Variants in KCNMA1 observed in about 807,000 individuals in gnomAD.
KCNMA1 encodes potassium calcium-activated channel subfamily M alpha 1.
A neutral mutation model predicts 140.0 loss-of-function variants in KCNMA1; 29 were observed. The ratio of observed to expected loss-of-function variants is 0.21; its 90% CI spans 0.15 to 0.28. KCNMA1 has a LOEUF of 0.28. Among genes scored for constraint, KCNMA1 ranks in the 10% least tolerant of loss-of-function variants. The pLI, the probability that KCNMA1 is intolerant of heterozygous loss-of-function variation, is 1.00. For synonymous variants in KCNMA1, 612 were observed against 611.9 expected, an observed-to-expected ratio of 1.00 and a Z score of 0.00; for missense variants, 880 against 1,602.2, an observed-to-expected ratio of 0.55 and a Z score of 7.70.
chr10:77,324,963 C>CTG (rs1169574914), intron 2 of KCNMA1, among the ~76,000 whole-genome samples: 6 of 104,512 alleles, frequency 5.7e-5, no homozygotes, highest in South Asian at 3.7e-4. Flanking sequence ...CTCTCTCTCT[C>CTG]TCTCTCTCTG....
At chr10:77,496,251 G>T (rs1160787021) in intron 1 of KCNMA1, among the ~76,000 whole-genome samples, 3 of 152,172 alleles carry the variant, frequency 2.0e-5, no homozygotes, top group African/African-American at 7.2e-5. Flanking sequence ...CAAGATAAGA[G>T]ACCACCTCAT....
intron 3 of KCNMA1, among the ~76,000 whole-genome samples, chr10:77,188,509 C>T (rs2154134040): frequency 6.6e-6 from 1 of 152,192 alleles, no homozygotes; most frequent in South Asian, 2.1e-4. Context: ...AGCATGTTGA[C>T]CAGGACTCCA....
chr10:76,943,344 G>A, intron 23 of KCNMA1, among the ~76,000 whole-genome samples: 1 of 152,190 alleles, frequency 6.6e-6, no homozygotes, highest in East Asian at 1.9e-4. Context: ...ACGGTGGCAT[G>A]GAGAGGTCAA....
chr10:77,112,558 A>G (rs2097350603), intron 6 of KCNMA1, 116 bp from the exon 7 acceptor site: 1 of 733,342 alleles, frequency 1.4e-6, no homozygotes, highest in Non-Finnish European at 2.5e-6. Flanking sequence ...CTAACTCCCA[A>G]CCATTTCTCC....
chr10:76,949,805 G>C (rs1191861314), intron 21 of KCNMA1, among the ~76,000 whole-genome samples: 2 of 152,176 alleles, frequency 1.3e-5, no homozygotes, highest in Admixed American at 6.5e-5. Context: ...AAAATGGTCA[G>C]ATGCCTGCAC....
At chr10:77,015,754 C>T (rs1224997755) in intron 17 of KCNMA1, among the ~76,000 whole-genome samples, 4 of 152,034 alleles carry the variant, frequency 2.6e-5, no homozygotes, top group African/African-American at 9.7e-5. Flanking sequence ...TAGCCTTCAT[C>T]CTTCATTCCT....
intron 1 of KCNMA1, among the ~76,000 whole-genome samples, chr10:77,570,727 T>TA (rs2070869912): frequency 7.2e-6 from 1 of 138,080 alleles, no homozygotes; most frequent in African/African-American, 2.7e-5. Flanking sequence ...CCCTAAAACT[T>TA]AAAGTATAAT....
At chr10:77,609,853 A>AAACATACTCAAGGATGG (rs1363504014) in intron 1 of KCNMA1, among the ~76,000 whole-genome samples, 1 of 152,212 alleles carries the variant, frequency 6.6e-6, no homozygotes, top group Non-Finnish European at 1.5e-5. Flanking sequence ...ATAAAGCCCC[A>AAACATACTCAAGGATGG]AACATACTCA....
intron 23 of KCNMA1, among the ~76,000 whole-genome samples, chr10:76,920,051 T>TATATATATATAC (rs1434881721): frequency 8.6e-6 from 1 of 116,684 alleles, no homozygotes; most frequent in African/African-American, 3.9e-5. Flanking sequence ...TATATATATA[T>TATATATATATAC]ACACACAATA....
chr10:77,038,504 A>C (rs2094468781), intron 15 of KCNMA1, among the ~76,000 whole-genome samples: 1 of 152,154 alleles, frequency 6.6e-6, no homozygotes. Context: ...TTCAGAGGGC[A>C]CAAAGACCCC....
At chr10:76,971,745 G>C (rs1212607601) in intron 19 of KCNMA1, among the ~76,000 whole-genome samples, 1 of 152,136 alleles carries the variant, frequency 6.6e-6, no homozygotes, top group Non-Finnish European at 1.5e-5. Context: ...CATCTTATCA[G>C]AAATGAGTAT....
At chr10:76,947,508 C>G (rs2064476149) in intron 22 of KCNMA1, among the ~76,000 whole-genome samples, 1 of 152,100 alleles carries the variant, frequency 6.6e-6, no homozygotes, top group Admixed American at 6.6e-5. Context: ...AAACCCTTTA[C>G]AAAGACACTT....
intron 3 of KCNMA1, among the ~76,000 whole-genome samples, chr10:77,193,848 G>A (rs184445972): frequency 6.6e-6 from 1 of 152,262 alleles, no homozygotes; most frequent in East Asian, 1.9e-4. Context: ...ATGCTGGCAT[G>A]GGGAATGGAA....
intron 1 of KCNMA1, among the ~76,000 whole-genome samples, chr10:77,490,366 A>AGAAATT (rs2098517562): frequency 6.6e-6 from 1 of 152,222 alleles, no homozygotes; most frequent in Non-Finnish European, 1.5e-5. Context: ...TCCAGCATTC[A>AGAAATT]GAAATTGACC....
At chr10:77,359,559 G>T (rs926146318) in intron 2 of KCNMA1, among the ~76,000 whole-genome samples, 5 of 152,144 alleles carry the variant, frequency 3.3e-5, no homozygotes, top group African/African-American at 7.2e-5. Context: ...CCCTAAAAAA[G>T]CATGTTCTCA....
chr10:77,460,773 A>G (rs1424312554), intron 1 of KCNMA1, among the ~76,000 whole-genome samples: 4 of 151,982 alleles, frequency 2.6e-5, no homozygotes, highest in African/African-American at 9.7e-5. Context: ...AATACTGGAG[A>G]CTCCAAAAAG....
At chr10:77,332,879 T>C (rs942820533) in intron 2 of KCNMA1, among the ~76,000 whole-genome samples, 4 of 152,254 alleles carry the variant, frequency 2.6e-5, no homozygotes, top group Non-Finnish European at 5.9e-5. Flanking sequence ...GTATCTATAC[T>C]CTAACACACA....
chr10:77,274,524 C>T (rs2066073742), intron 2 of KCNMA1, among the ~76,000 whole-genome samples: 1 of 152,174 alleles, frequency 6.6e-6, no homozygotes, highest in African/African-American at 2.4e-5. Context: ...TTATCTATTT[C>T]CTTGGCAGTG....
chr10:77,174,099 A>G (rs1176788285), intron 5 of KCNMA1, among the ~76,000 whole-genome samples: 1 of 152,070 alleles, frequency 6.6e-6, no homozygotes, highest in East Asian at 1.9e-4. Context: ...AGAGCCCAAA[A>G]TGCCATTTCA....
Sources: allele counts gnomAD v4.1 joint callset (sites outside exome capture counted in the v4.1 genomes callset), GRCh38; gene constraint gnomAD v4.1.1; transcripts MANE v1.5; gene names NCBI Gene and HGNC (gene_info 2026-07-23, HGNC 2026-07-21).